The following WWTR1 variants were observed in gnomAD, a reference collection of about 807,000 sequenced individuals.
WWTR1 encodes the protein WW domain-containing transcription regulator protein 1.
Under a neutral mutation model 40.1 loss-of-function variants are expected in WWTR1, and 13 were observed. The ratio of observed to expected loss-of-function variants is 0.32; its 90% CI spans 0.21 to 0.52. The LOEUF (loss-of-function observed/expected upper bound fraction) is 0.52. Ranked by LOEUF, WWTR1 falls within the 20% of genes least tolerant of loss-of-function variation. WWTR1 has a pLI of 0.97. For missense variants in WWTR1, 436 were observed against 523.1 expected (o/e 0.83, Z 1.63); for synonymous variants, 230 against 210.1 (o/e 1.09, Z -0.82).
chr3:149,569,180 G>T (rs1737507294), intron 3 of WWTR1, among the ~76,000 whole-genome samples: 1 of 152,112 alleles, frequency 6.6e-6, no homozygotes. Context: ...TGAATACATT[G>T]TTCCTAATTT....
intron 4 of WWTR1, among the ~76,000 whole-genome samples, chr3:149,721,308 T>G (rs1437560165): frequency 6.6e-6 from 1 of 152,216 alleles, no homozygotes; most frequent in Non-Finnish European, 1.5e-5. Flanking sequence ...ATTTTTACCA[T>G]GAAAGGATGT....
At chr3:149,637,534 AT>A (rs1396392362) in intron 2 of WWTR1, among the ~76,000 whole-genome samples, 1 of 152,084 alleles carries the variant, frequency 6.6e-6, no homozygotes, top group Non-Finnish European at 1.5e-5. Context: ...CCCGGCCCAT[AT>A]TCAGTATTAA....
chr3:149,615,931 G>A lies in WWTR1; in HGVS notation c.431+40945C>T, dbSNP rs188252415. On this transcript the variant is annotated intron_variant, in intron 2 of 6. Coordinates refer to ENST00000360632, the MANE Select transcript of WWTR1 (RefSeq NM_015472.6). ...CCTGTTTTTCTAGAAAAATGAATCA[G>A]CCTCTCTCTGTTTATCCAAGATAAC... Among the ~76,000 whole-genome samples, 409 of 152,208 alleles carry A rather than the reference G, an allele frequency of 2.7e-3. 1 individual carries two copies. Among genetic ancestry groups the A allele is most frequent in the Admixed American group, 4.3e-3 (65 of 15,276 alleles).
intron 2 of WWTR1, among the ~76,000 whole-genome samples, chr3:149,655,008 C>T (rs960431801): frequency 6.6e-6 from 1 of 152,030 alleles, no homozygotes; most frequent in Non-Finnish European, 1.5e-5. Context: ...TGCCTGTAGT[C>T]CCAGCTACTC....
chr3:149,556,535 C>T (rs958626639), intron 3 of WWTR1, among the ~76,000 whole-genome samples: 2 of 152,110 alleles, frequency 1.3e-5, no homozygotes, highest in Admixed American at 6.5e-5. Flanking sequence ...GCCGAGATCG[C>T]GCCACTGCAC....
chr3:149,672,311 C>A (rs946232357), intron 1 of WWTR1, among the ~76,000 whole-genome samples: 1 of 152,178 alleles, frequency 6.6e-6, no homozygotes, highest in Admixed American at 6.5e-5. Context: ...CAAAGAAAAG[C>A]ACAGAAGATA....
chr3:149,542,573 G>A (rs1736165695), intron 3 of WWTR1, 36 bp from the exon 4 acceptor site: 2 of 1,569,360 alleles, frequency 1.3e-6, no homozygotes, highest in Non-Finnish European at 1.7e-6. Flanking sequence ...TAATGACCAG[G>A]GCCCACAATA....
At chr3:149,686,541 A>C (rs145015655) in intron 1 of WWTR1, among the ~76,000 whole-genome samples, 2,587 of 152,226 alleles carry the variant, frequency 0.017, 42 homozygotes, top group South Asian at 0.051. Flanking sequence ...CTCTCTCTAT[A>C]TATATATAAA....
chr3:149,603,859 A>C (rs1739369983), intron 2 of WWTR1, among the ~76,000 whole-genome samples: 1 of 133,648 alleles, frequency 7.5e-6, no homozygotes, highest in Admixed American at 7.8e-5. Flanking sequence ...CATACCAAAA[A>C]AAAAAAAAAA....
intron 3 of WWTR1, among the ~76,000 whole-genome samples, chr3:149,565,173 C>A (rs1188412335): frequency 6.6e-6 from 1 of 151,990 alleles, no homozygotes; most frequent in African/African-American, 2.4e-5. Context: ...GGCAACGGAC[C>A]AAGATTGCAT....
Position 149,519,246 on chromosome 3 carries a change from A to G in WWTR1, c.*1559T>C, listed in dbSNP as rs1472049806. 1 of 152,210 alleles carries G rather than the reference A, an allele frequency of 6.6e-6. No homozygotes were observed. The highest frequency in any genetic ancestry group is 2.4e-5 in the African/African-American group (1 of 41,450). 9.4% of individuals were successfully genotyped at this position (152,210 alleles called of 1,614,324 possible). The stretch of plus-strand genomic sequence containing the variant: ...TAATTAAAAATGGTTTTGGTTACAT[A>G]AGAGGTATTGAATACATATTTCATG... On this transcript the variant is annotated 3_prime_UTR_variant, in exon 7 of 7. Coordinates refer to ENST00000360632, the MANE Select transcript of WWTR1 (RefSeq NM_015472.6).
At chr3:149,697,707 T>C (rs1232333032) in intron 1 of WWTR1, among the ~76,000 whole-genome samples, 2 of 152,220 alleles carry the variant, frequency 1.3e-5, no homozygotes, top group Non-Finnish European at 2.9e-5. Flanking sequence ...AGTCTTAACT[T>C]GTTCCAGCCT....
At chr3:149,709,528 G>T (rs932825463) in intron 5 of WWTR1, among the ~76,000 whole-genome samples, 20 of 152,108 alleles carry the variant, frequency 1.3e-4, no homozygotes, top group Admixed American at 1.1e-3. Context: ...GTTAAGTAAA[G>T]AATTTTTCTT....
At position 149,656,924 on chromosome 3, in the gene WWTR1, G is replaced by C. The variant is rs1215659914; in HGVS notation, c.383C>G (p.Pro128Arg). 3.2e-6 allele frequency: 5 copies of C among 1,564,676 alleles called. No homozygotes were observed. The East Asian group carries it at 6.8e-5, about 21-fold the overall frequency. ...GGCCGTGAAGGTCATCTCCCAGCCC[G>C]GGGGCAGTGGCAGCTCGTCGGTCAC... ...YDVTDELPLP[P>R]GWEMTFTATG... The change falls in exon 2 of 7, where the codon CCG becomes CGG. Residue 128 changes from proline to arginine, a missense_variant. Coordinates refer to ENST00000360632, the MANE Select transcript of WWTR1 (RefSeq NM_015472.6).
At chr3:149,659,163 C>T (rs1011953779), upstream of WWTR1, among the ~76,000 whole-genome samples, 1 of 151,992 alleles carries the variant, frequency 6.6e-6, no homozygotes, top group Non-Finnish European at 1.5e-5. Flanking sequence ...GCGAGGTAAG[C>T]CAAATTCCAG....
intron 2 of WWTR1, among the ~76,000 whole-genome samples, chr3:149,590,714 G>C (rs552949783): frequency 2.7e-4 from 41 of 152,300 alleles, no homozygotes; most frequent in African/African-American, 7.5e-4. Context: ...TTTCCATGTG[G>C]CAGAGCAGAG....
At chr3:149,633,248 G>C (rs1424563111) in intron 2 of WWTR1, among the ~76,000 whole-genome samples, 3 of 152,136 alleles carry the variant, frequency 2.0e-5, no homozygotes, top group African/African-American at 4.8e-5. Flanking sequence ...AGCCAGCCAG[G>C]CATGGTGACG....
chr3:149,682,427 A>T (rs542000347), intron 1 of WWTR1, among the ~76,000 whole-genome samples: 13 of 152,338 alleles, frequency 8.5e-5, no homozygotes, highest in Admixed American at 5.9e-4. Context: ...GGCCATGGGA[A>T]CCAAGGACTG....
chr3:149,544,807 A>G (rs1015180058), intron 3 of WWTR1, among the ~76,000 whole-genome samples: 2 of 152,232 alleles, frequency 1.3e-5, no homozygotes, highest in Non-Finnish European at 2.9e-5. Context: ...GGTCATCAAA[A>G]TAGGGACCCA....
Sources: allele counts gnomAD v4.1 joint callset (sites outside exome capture counted in the v4.1 genomes callset), GRCh38; gene constraint gnomAD v4.1.1; transcripts MANE v1.5; gene names NCBI Gene and HGNC (gene_info 2026-07-23, HGNC 2026-07-21).